Variants in ARNT2 observed in about 807,000 individuals in gnomAD.
ARNT2 encodes aryl hydrocarbon receptor nuclear translocator 2.
A neutral mutation model predicts 91.7 loss-of-function variants in ARNT2; 36 were observed. The observed-to-expected ratio is 0.39, with a 90% CI of 0.30 to 0.52. The LOEUF is 0.52. Among genes scored for constraint, ARNT2 ranks in the 20% least tolerant of loss-of-function variants. ARNT2 has a pLI of 0.72. For synonymous variants in ARNT2, 365 were observed against 347.1 expected (o/e 1.05, Z -0.57); for missense variants, 775 against 939.3 (o/e 0.83, Z 2.29).
In ARNT2 at chr15:80,404,628, C is replaced by T. The variant is rs1292313505; in HGVS notation, c.31+82C>T. On this transcript the variant is annotated intron_variant, in intron 1 of 18. Coordinates refer to ENST00000303329, the MANE Select transcript of ARNT2 (RefSeq NM_014862.4). This position sits in a 1 kb window ranked among gnomAD's most constrained non-coding sequence, Gnocchi z 5.5. ...CGGAGCGGACCAGGCGCGCCGGGCG[C>T]CCCCGGGGGCGCGGAGCCGCAGCTC... 9.6e-6 allele frequency: 9 copies of T among 933,104 alleles called. No individual in the cohort carries two copies. The highest frequency in any genetic ancestry group is 1.2e-4 in the Admixed American group (2 of 16,922). The allele number at this position is 933,104 out of a possible 1,614,324, so 57.8% of individuals were successfully genotyped here. A position where few individuals can be genotyped will look rare whatever the true frequency, so the allele number is the denominator to read the frequency against.
At chr15:80,433,062 G>A (rs1340434422) in intron 1 of ARNT2, among the ~76,000 whole-genome samples, 1 of 151,810 alleles carries the variant, frequency 6.6e-6, no homozygotes, top group Non-Finnish European at 1.5e-5. Context: ...AATGATGGAT[G>A]AATATATTCA....
At chr15:80,481,295 T>C (rs1896883641) in intron 5 of ARNT2, among the ~76,000 whole-genome samples, 1 of 152,258 alleles carries the variant, frequency 6.6e-6, no homozygotes, top group African/African-American at 2.4e-5. Context: ...TCTGCTCATA[T>C]ACCTTTCATC....
At chr15:80,433,243 T>C (rs1896035785) in intron 1 of ARNT2, among the ~76,000 whole-genome samples, 1 of 31,086 alleles carries the variant, frequency 3.2e-5, no homozygotes, top group African/African-American at 8.7e-5. Context: ...ATTTATTTTA[T>C]TTTATTTTAT....
At chr15:80,534,194 G>A (rs1278454303) in intron 8 of ARNT2, among the ~76,000 whole-genome samples, 1 of 152,316 alleles carries the variant, frequency 6.6e-6, no homozygotes, top group East Asian at 1.9e-4. Context: ...CAGGGTTCTA[G>A]AGTCGGAATG....
intron 12 of ARNT2, among the ~76,000 whole-genome samples, chr15:80,568,821 C>A (rs1037182642): frequency 6.6e-6 from 1 of 152,240 alleles, no homozygotes; most frequent in African/African-American, 2.4e-5. Flanking sequence ...TCAGTTGAGG[C>A]CTTTGCCGTC....
At chr15:80,480,573 A>T (rs1253624313) in intron 5 of ARNT2, among the ~76,000 whole-genome samples, 1 of 152,122 alleles carries the variant, frequency 6.6e-6, no homozygotes, top group African/African-American at 2.4e-5. Flanking sequence ...GACAAGGTCG[A>T]TTTGGCCTGT....
In ARNT2 at chr15:80,581,006, T is replaced by C. The variant is rs113953915; in HGVS notation, c.1753-233T>C. 7.4e-4 allele frequency: 421 copies of C among 571,246 alleles called. 2 individuals are homozygous for C. Among genetic ancestry groups the C allele is most frequent in the African/African-American group, 6.8e-3 (364 of 53,628 alleles). 35.4% of individuals were successfully genotyped at this position (571,246 alleles called of 1,614,324 possible). A position where few individuals can be genotyped will look rare whatever the true frequency, so the allele number is the denominator to read the frequency against. ...GTAACCAGACTCCAGAGGGCCCGGA[T>C]CCTCGTAGCCCTGGGGAGTAACTTC... On this transcript the variant is annotated intron_variant, in intron 16 of 18. Coordinates refer to ENST00000303329, the MANE Select transcript of ARNT2 (RefSeq NM_014862.4).
At chr15:80,533,449 C>T (rs1027100523) in intron 8 of ARNT2, among the ~76,000 whole-genome samples, 2 of 151,992 alleles carry the variant, frequency 1.3e-5, no homozygotes, top group African/African-American at 4.8e-5. Flanking sequence ...CTGGGGTGCC[C>T]CAGGCAGAAA....
At chr15:80,449,816 A>G (rs934789295) in intron 1 of ARNT2, among the ~76,000 whole-genome samples, 6 of 152,206 alleles carry the variant, frequency 3.9e-5, no homozygotes, top group Admixed American at 3.3e-4. Context: ...ATGCACTGTC[A>G]ACATCACCAG....
chr15:80,560,147 A>G (rs1898304887), intron 11 of ARNT2: 1 of 152,184 alleles, frequency 6.6e-6, no homozygotes, highest in Admixed American at 6.5e-5. Context: ...TGGTAACCCC[A>G]TGGCATTTCA....
intron 8 of ARNT2, among the ~76,000 whole-genome samples, chr15:80,548,395 T>C: frequency 6.6e-6 from 1 of 152,092 alleles, no homozygotes; most frequent in Middle Eastern, 3.2e-3. Context: ...ATGCCCACTA[T>C]CTCTACTACT....
At chr15:80,582,022 C>G (rs74027858) in intron 17 of ARNT2, among the ~76,000 whole-genome samples, 4 of 152,204 alleles carry the variant, frequency 2.6e-5, no homozygotes, top group Admixed American at 2.6e-4. Context: ...GAAGTCCAAG[C>G]TGGTGCCTGC....
chr15:80,464,443 G>A (rs964364324), intron 3 of ARNT2, among the ~76,000 whole-genome samples: 2 of 152,166 alleles, frequency 1.3e-5, no homozygotes, highest in African/African-American at 4.8e-5. Context: ...CAGAGGTGCC[G>A]GGCCTGGGTC....
intron 1 of ARNT2, among the ~76,000 whole-genome samples, chr15:80,419,338 G>A (rs1409457393): frequency 6.6e-6 from 1 of 152,200 alleles, no homozygotes; most frequent in South Asian, 2.1e-4. Context: ...ACTATCCAAT[G>A]CCAGCTAACT....
chr15:80,414,015 C>T (rs1895740234), intron 1 of ARNT2, among the ~76,000 whole-genome samples: 1 of 152,170 alleles, frequency 6.6e-6, no homozygotes, highest in Non-Finnish European at 1.5e-5. Flanking sequence ...GAGCTGAGTT[C>T]CAGACTTAGA....
chr15:80,476,881 C>T (rs1454699451), intron 5 of ARNT2, among the ~76,000 whole-genome samples: 1 of 152,134 alleles, frequency 6.6e-6, no homozygotes, highest in Non-Finnish European at 1.5e-5. Context: ...ATGTCATGTT[C>T]AATTGTAATT....
chr15:80,506,560 A>G (rs1263923850), intron 5 of ARNT2, among the ~76,000 whole-genome samples: 1 of 152,208 alleles, frequency 6.6e-6, no homozygotes, highest in African/African-American at 2.4e-5. Context: ...CTAAGTTAGG[A>G]TGCTTGCTCA....
intron 3 of ARNT2, among the ~76,000 whole-genome samples, chr15:80,459,221 A>C (rs1896520033): frequency 6.6e-6 from 1 of 152,130 alleles, no homozygotes. Context: ...TAGAGAGGAG[A>C]TGGAGAACAT....
chr15:80,489,452 G>A (rs1012139270), intron 5 of ARNT2, among the ~76,000 whole-genome samples: 4 of 152,174 alleles, frequency 2.6e-5, no homozygotes, highest in African/African-American at 9.7e-5. Flanking sequence ...CTCCTTTTGG[G>A]TGATGACATA....
Sources: allele counts gnomAD v4.1 joint callset (sites outside exome capture counted in the v4.1 genomes callset), GRCh38; gene constraint gnomAD v4.1.1; non-coding constraint Gnocchi (gnomAD v3.1); transcripts MANE v1.5; gene names NCBI Gene and HGNC (gene_info 2026-07-23, HGNC 2026-07-21).